HAS3: variants seen among roughly 807,000 people sequenced by gnomAD.
The protein encoded by HAS3 is HA synthase 3.
HAS3 carries 27 observed loss-of-function variants against 50.3 expected under a neutral mutation model. The ratio of observed to expected loss-of-function variants is 0.54; its 90% CI spans 0.40 to 0.74. HAS3 has a LOEUF of 0.74. HAS3 is among the 30% of genes least tolerant of loss of function. The probability of loss-of-function intolerance (pLI) is 0.00; values close to 1 mark genes in which losing one functional copy is unlikely to be tolerated. For missense variants in HAS3, 517 were observed against 742.8 expected, an observed-to-expected ratio of 0.70 and a Z score of 3.53; for synonymous variants, 339 against 310.9, an observed-to-expected ratio of 1.09 and a Z score of -0.95.
chr16:69,094,022 T>G, the HAS3 span, among the ~76,000 whole-genome samples: 2 of 152,178 alleles, frequency 1.3e-5, no homozygotes, highest in South Asian at 4.1e-4. Flanking sequence ...GGCCAGCCCC[T>G]AACTCCAGCA....
the HAS3 span, among the ~76,000 whole-genome samples, chr16:69,091,235 C>T: frequency 6.6e-6 from 1 of 152,048 alleles, no homozygotes; most frequent in Non-Finnish European, 1.5e-5. Flanking sequence ...AGTCATATAC[C>T]TTGGAGACAC....
chr16:69,112,068 C>G (rs1000475580), intron 2 of HAS3, among the ~76,000 whole-genome samples: 1 of 152,264 alleles, frequency 6.6e-6, no homozygotes, highest in African/African-American at 2.4e-5. Context: ...AGGCAGAACT[C>G]TGCCCGAGCC....
chr16:69,094,773 A>C, the HAS3 span, among the ~76,000 whole-genome samples: 1 of 152,168 alleles, frequency 6.6e-6, no homozygotes, highest in African/African-American at 2.4e-5. Flanking sequence ...CAGTTCTGGA[A>C]AAAGGCAGAC....
chr16:69,098,426 C>A, the HAS3 span, among the ~76,000 whole-genome samples: 264 of 149,308 alleles, frequency 1.8e-3, 3 homozygotes, highest in South Asian at 0.054. Context: ...TTTTTTTTTA[C>A]AACATGGGGT....
At chr16:69,102,395 T>C (rs1360037345), upstream of HAS3, among the ~76,000 whole-genome samples, 1 of 152,146 alleles carries the variant, frequency 6.6e-6, no homozygotes, top group South Asian at 2.1e-4. Context: ...TCGAGCTTGA[T>C]TGTAGCAGCC....
At chr16:69,086,845 G>A in the HAS3 span, among the ~76,000 whole-genome samples, 2 of 152,144 alleles carry the variant, frequency 1.3e-5, no homozygotes, top group African/African-American at 4.8e-5. Context: ...CAGAGATTGT[G>A]GTGAGCCGAG....
the HAS3 span, chr16:69,083,532 AGT>A: frequency 6.2e-7 from 1 of 1,612,550 alleles, no homozygotes. Context: ...TGAAGCACGT[AGT>A]GTGTCTGGAG....
At position 69,116,794 on chromosome 16, in the gene HAS3, C is replaced by A. The variant is rs530124757; in HGVS notation, c.*1528C>A. On this transcript the variant is annotated 3_prime_UTR_variant, in exon 4 of 4. Coordinates refer to ENST00000569188, the MANE Select transcript of HAS3 (RefSeq NM_001199280.2). ...TTGAGTTTAAAACCTGGGATCCTGA[C>A]TAAGCCTTTGACTTAAGGGTTGCTT... is the stretch of plus-strand genomic sequence containing the variant. The A allele has an allele frequency of 3.0e-6, 3 of 985,424 alleles. No homozygotes were observed. Among genetic ancestry groups the A allele is most frequent in the South Asian group, 4.7e-5 (1 of 21,292 alleles). The allele number at this position is 985,424 out of a possible 1,614,324, so 61.0% of individuals were successfully genotyped here.
chr16:69,114,890 T>C lies in HAS3; in HGVS notation c.1286T>C (p.Phe429Ser). The change falls in exon 4 of 4, where the codon TTC becomes TCC. Residue 429 changes from phenylalanine (F) to serine (S), a missense_variant. Physicochemically the swap from Phe to Ser is radical, Grantham distance 155 (BLOSUM62 -2). Coordinates refer to ENST00000569188, the MANE Select transcript of HAS3 (RefSeq NM_001199280.2). The surrounding 1 kb of genome is among the most constrained non-coding windows in gnomAD (Gnocchi z 6.4). The part of the protein sequence containing the change: ...VGIIKATYAC[F>S]LRGNAEMIFM... ...ATTATCAAGGCCACCTACGCCTGCT[T>C]CCTTCGGGGCAATGCAGAGATGATC... is the stretch of plus-strand genomic sequence containing the variant. 1 of 1,614,140 alleles carries C rather than the reference T, an allele frequency of 6.2e-7. No individual in the cohort carries two copies. Among genetic ancestry groups the C allele is most frequent in the Non-Finnish European group, 8.5e-7 (1 of 1,180,040 alleles).
downstream of HAS3, chr16:69,118,592 C>G (rs1264963926): frequency 2.8e-6 from 2 of 725,298 alleles, no homozygotes; most frequent in Non-Finnish European, 5.0e-6. Flanking sequence ...AGCTGTGGGA[C>G]GAAAGCACAG....
At chr16:69,112,889 GC>G (rs1961055982) in intron 2 of HAS3, among the ~76,000 whole-genome samples, 1 of 152,224 alleles carries the variant, frequency 6.6e-6, no homozygotes, top group Non-Finnish European at 1.5e-5. Context: ...GGTCCGAGAG[GC>G]TCGGCCAAGG....
upstream of HAS3, among the ~76,000 whole-genome samples, chr16:69,102,854 C>A (rs1401618543): frequency 6.6e-6 from 1 of 152,100 alleles, no homozygotes; most frequent in Non-Finnish European, 1.5e-5. Context: ...AAACTTGCAC[C>A]CAGAGAAGTC....
At chr16:69,103,020 T>C (rs1017663214), upstream of HAS3, among the ~76,000 whole-genome samples, 5 of 151,718 alleles carry the variant, frequency 3.3e-5, no homozygotes, top group African/African-American at 1.2e-4. Flanking sequence ...TGTGTGTGTG[T>C]GTGTGTGTGT....
chr16:69,115,416 T>G lies in HAS3; in HGVS notation c.*150T>G. ...AAATCTAAAATGCAAAGAACGGTGA[T>G]GTAGTATGGCCTGACAGCTCTGTTT... On this transcript the variant is annotated 3_prime_UTR_variant, in exon 4 of 4. Coordinates refer to ENST00000569188, the MANE Select transcript of HAS3 (RefSeq NM_001199280.2). The G allele has an allele frequency of 7.2e-7, 1 of 1,380,410 alleles. No homozygotes were observed. 85.5% of individuals were successfully genotyped at this position (1,380,410 alleles called of 1,614,324 possible).
chr16:69,113,457 CTG>C lies in HAS3; in HGVS notation c.656_657del (p.Val219AlafsTer65). 6.2e-7 allele frequency: 1 copy of C among 1,613,404 alleles called. No homozygotes were observed. Among genetic ancestry groups the C allele is most frequent in the Non-Finnish European group, 8.5e-7 (1 of 1,179,454 alleles). On this transcript the variant is annotated frameshift_variant, in exon 3 of 4. Transcript: ENST00000569188. LOFTEE classifies it high-confidence loss of function. ...CCTCTGCAGGTGTGCGACTCTGACA[CTG>C]TGCTGGATCCAGCCTGCACCATCGA...
At chr16:69,083,794 C>A in the HAS3 span, 1 of 1,008,566 alleles carries the variant, frequency 9.9e-7, no homozygotes, top group Non-Finnish European at 1.4e-6. Flanking sequence ...TTTTATGGTG[C>A]AGGTCACTTG....
At chr16:69,101,998 C>T (rs187271990), upstream of HAS3, among the ~76,000 whole-genome samples, 7 of 152,168 alleles carry the variant, frequency 4.6e-5, no homozygotes, top group African/African-American at 1.7e-4. Context: ...GTTGGCCAGG[C>T]TGGTCTTAAA....
At chr16:69,110,153 T>A in intron 2 of HAS3, 122 bp downstream of exon 2, 1 of 996,378 alleles carries the variant, frequency 1.0e-6, no homozygotes, top group Non-Finnish European at 1.4e-6. Flanking sequence ...CCTGTGCACT[T>A]AAGAAGGCAA....
chr16:69,104,885 A>G (rs545956401), upstream of HAS3, among the ~76,000 whole-genome samples: 1 of 151,626 alleles, frequency 6.6e-6, no homozygotes, highest in African/African-American at 2.4e-5. Flanking sequence ...GCGAGAGGAG[A>G]AGTTTATAGA....
Sources: gnomAD v4.1 joint callset for allele counts (sites outside exome capture counted in the v4.1 genomes callset) on GRCh38, gnomAD v4.1.1 for gene constraint, Gnocchi (gnomAD v3.1) non-coding constraint, MANE v1.5 for transcripts, NCBI Gene and HGNC (gene_info 2026-07-23, HGNC 2026-07-21) for gene names.